PDE1C: variants seen among roughly 807,000 people sequenced by gnomAD.
PDE1C encodes the protein phosphodiesterase 1C.
In PDE1C, 62 loss-of-function variants were observed where a neutral mutation model predicts 93.1. The observed-to-expected ratio is 0.67, with a 90% CI of 0.54 to 0.82. The LOEUF is 0.82. Among genes scored for constraint, PDE1C ranks in the 40% least tolerant of loss-of-function variants. The pLI is 0.00. For synonymous variants in PDE1C, 325 were observed against 310.1 expected (o/e 1.05, Z -0.50); for missense variants, 742 against 884.6 (o/e 0.84, Z 2.04).
intron 2 of PDE1C, among the ~76,000 whole-genome samples, chr7:31,929,352 C>G (rs1289273586): frequency 6.6e-6 from 1 of 152,118 alleles, no homozygotes; most frequent in Non-Finnish European, 1.5e-5. Context: ...GACTTTAACA[C>G]CCCACTGTCA....
chr7:31,795,864 GAATT>G (rs1402479962), intron 16 of PDE1C, among the ~76,000 whole-genome samples: 2 of 151,456 alleles, frequency 1.3e-5, no homozygotes, highest in African/African-American at 4.8e-5. Context: ...AAACATCACT[GAATT>G]AATAATAACT....
At position 32,324,465 on chromosome 7, in the gene PDE1C, C is replaced by A. The variant is rs189495776; in HGVS notation, c.310+103357G>T. Among the ~76,000 whole-genome samples the A allele has an allele frequency of 1.9e-3, 295 of 152,324 alleles. 1 individual carries two copies. Among genetic ancestry groups the A allele is most frequent in the African/African-American group, 6.9e-3 (286 of 41,568 alleles). On this transcript the variant is annotated intron_variant, in intron 1 of 1. Transcript: ENST00000672256. ...AAGCACTTTGTTCCCAGGGAGAATTCAATCAAATCTTCCCAAATTGCTTGG... is the reference window on the plus strand; with the variant it reads ...AAGCACTTTGTTCCCAGGGAGAATTAAATCAAATCTTCCCAAATTGCTTGG...
chr7:32,380,675 C>G (rs920933426), intron 1 of PDE1C, among the ~76,000 whole-genome samples: 1 of 152,048 alleles, frequency 6.6e-6, no homozygotes, highest in Non-Finnish European at 1.5e-5. Context: ...CTCATTCCTG[C>G]AGCCTGTGAC....
chr7:31,663,411 T>G, the PDE1C span, among the ~76,000 whole-genome samples: 2 of 152,344 alleles, frequency 1.3e-5, no homozygotes, highest in South Asian at 4.1e-4. Flanking sequence ...GGGGCTCCTT[T>G]CCCAGTCCTC....
intron 1 of PDE1C, among the ~76,000 whole-genome samples, chr7:32,360,463 G>A (rs557895939): frequency 9.1e-6 from 1 of 109,948 alleles, no homozygotes; most frequent in East Asian, 3.1e-4. Flanking sequence ...GAACCTGTGT[G>A]ATCTGACTTC....
At chr7:31,658,424 T>G in the PDE1C span, 3 of 1,475,776 alleles carry the variant, frequency 2.0e-6, no homozygotes, top group Non-Finnish European at 1.8e-6. Context: ...ATAATCAGTT[T>G]CCAGAGTATA....
intron 2 of PDE1C, among the ~76,000 whole-genome samples, chr7:31,915,648 TA>T (rs1801793575): frequency 6.6e-6 from 1 of 152,194 alleles, no homozygotes. Flanking sequence ...TGAAAGGCAA[TA>T]ATATTAGGAT....
intron 1 of PDE1C, among the ~76,000 whole-genome samples, chr7:32,060,989 A>G (rs1397737495): frequency 1.3e-5 from 2 of 152,202 alleles, no homozygotes; most frequent in African/African-American, 4.8e-5. Flanking sequence ...AAGTGGCAGG[A>G]TGTCAGTCGG....
At chr7:32,088,931 G>A (rs11770549) in intron 3 of PDE1C, among the ~76,000 whole-genome samples, 18,686 of 152,222 alleles carry the variant, frequency 0.12, 1,312 homozygotes, top group East Asian at 0.34. Flanking sequence ...GCTCTCAGCA[G>A]GCAAGGACTG....
chr7:32,295,543 A>G (rs1364587050), intron 1 of PDE1C, among the ~76,000 whole-genome samples: 1 of 152,196 alleles, frequency 6.6e-6, no homozygotes, highest in Non-Finnish European at 1.5e-5. Flanking sequence ...TAAAGTTCCT[A>G]AAAATGTTCA....
the PDE1C span, among the ~76,000 whole-genome samples, chr7:31,647,435 G>T: frequency 6.6e-6 from 1 of 151,966 alleles, no homozygotes; most frequent in Non-Finnish European, 1.5e-5. Context: ...GCCAAGATGG[G>T]TGGATCACCT....
At chr7:31,966,399 G>A (rs1431661094) in intron 2 of PDE1C, among the ~76,000 whole-genome samples, 1 of 152,206 alleles carries the variant, frequency 6.6e-6, no homozygotes, top group East Asian at 1.9e-4. Context: ...AATTCAACAA[G>A]AAGAACTAAC....
chr7:31,628,576 G>A, the PDE1C span, among the ~76,000 whole-genome samples: 1 of 151,514 alleles, frequency 6.6e-6, no homozygotes, highest in South Asian at 2.1e-4. Context: ...TCCTGCCTCA[G>A]CCTCCCCAGC....
At chr7:31,646,329 G>C in the PDE1C span, among the ~76,000 whole-genome samples, 7 of 152,126 alleles carry the variant, frequency 4.6e-5, no homozygotes, top group Admixed American at 3.9e-4. Flanking sequence ...GGGGTGTCCT[G>C]ATGAATTTGC....
chr7:31,785,797 C>T (rs763221357), intron 16 of PDE1C: 18 of 152,080 alleles, frequency 1.2e-4, no homozygotes, highest in Non-Finnish European at 2.4e-4. Context: ...ACCTCTGTGC[C>T]CACTAGTGTC....
intron 1 of PDE1C, among the ~76,000 whole-genome samples, chr7:32,342,500 T>C (rs1403870589): frequency 6.6e-6 from 1 of 152,258 alleles, no homozygotes; most frequent in African/African-American, 2.4e-5. Flanking sequence ...TTTTTCATCA[T>C]ATACGTTTTA....
intron 16 of PDE1C, among the ~76,000 whole-genome samples, chr7:31,801,576 C>T (rs767212849): frequency 3.3e-5 from 5 of 151,360 alleles, no homozygotes; most frequent in Non-Finnish European, 5.9e-5. Context: ...TCTACTTAGT[C>T]TATTAATTAT....
chr7:32,420,379 GTA>G lies in PDE1C; in HGVS notation c.310+7441_310+7442del, dbSNP rs78951846. ...TATATATATATGTGTATATATATGTGTATATATATATATACACACACACACAC... is the reference window on the plus strand; with the variant it reads ...TATATATATATGTGTATATATATGTGTATATATATATACACACACACACAC... On this transcript the variant is annotated intron_variant, in intron 1 of 1. Coordinates refer to the PDE1C transcript ENST00000672256. Among the ~76,000 whole-genome samples the G allele has an allele frequency of 3.6e-4, 10 of 28,164 alleles. 3 individuals carry two copies. The highest frequency in any genetic ancestry group is 1.7e-3 in the East Asian group (2 of 1,144). 18.5% of individuals were successfully genotyped at this position (28,164 alleles called of 152,430 possible).
the PDE1C span, among the ~76,000 whole-genome samples, chr7:31,632,885 C>T: frequency 5.3e-5 from 8 of 151,060 alleles, no homozygotes; most frequent in African/African-American, 1.2e-4. Context: ...TTTATTTATT[C>T]ATTCATTTAT....
Sources: allele counts gnomAD v4.1 joint callset (sites outside exome capture counted in the v4.1 genomes callset), GRCh38; gene constraint gnomAD v4.1.1; transcripts MANE v1.5; gene names NCBI Gene and HGNC (gene_info 2026-07-23, HGNC 2026-07-21).